Variants in CACNB2 observed in about 807,000 individuals in gnomAD.
The protein encoded by CACNB2 is voltage-dependent L-type calcium channel subunit beta-2.
In CACNB2, 42 loss-of-function variants were observed where a neutral mutation model predicts 73.3. That is an observed-to-expected ratio of 0.57 (90% CI 0.45 to 0.74). The LOEUF is 0.74. CACNB2 is among the 30% of genes least tolerant of loss of function. CACNB2 has a pLI of 0.00. For synonymous variants in CACNB2, 348 were observed against 310.3 expected, an observed-to-expected ratio of 1.12 and a Z score of -1.28; for missense variants, 940 against 853.0, an observed-to-expected ratio of 1.10 and a Z score of -1.27.
intron 2 of CACNB2, among the ~76,000 whole-genome samples, chr10:18,240,813 A>G (rs1189214562): frequency 6.6e-6 from 1 of 151,592 alleles, no homozygotes; most frequent in African/African-American, 2.4e-5. Flanking sequence ...CTGCCTGCCT[A>G]CTCAAAGCCA....
intron 3 of CACNB2, among the ~76,000 whole-genome samples, chr10:18,450,901 T>A (rs909596702): frequency 6.6e-6 from 1 of 152,174 alleles, no homozygotes; most frequent in Non-Finnish European, 1.5e-5. Context: ...CCTCCCAAAG[T>A]GTTGGGATTA....
At chr10:18,194,665 G>A (rs941364033) in intron 2 of CACNB2, among the ~76,000 whole-genome samples, 2 of 152,202 alleles carry the variant, frequency 1.3e-5, no homozygotes, top group African/African-American at 2.4e-5. Flanking sequence ...ATTTTGTTTA[G>A]TGTCTCCTAT....
intron 2 of CACNB2, among the ~76,000 whole-genome samples, chr10:18,331,480 G>GT (rs1221813019): frequency 1.3e-5 from 2 of 151,534 alleles, no homozygotes; most frequent in Admixed American, 1.3e-4. Flanking sequence ...AAAGGATGGG[G>GT]GGGTGAAAAT....
intron 2 of CACNB2, among the ~76,000 whole-genome samples, chr10:18,199,941 C>CTGTGTG (rs141377460): frequency 0.2 from 26,637 of 136,246 alleles, 2,860 homozygotes; most frequent in South Asian, 0.24. Flanking sequence ...GTATATGAAA[C>CTGTGTG]TGTGTGTGTG....
rs2133332929 is a variant in CACNB2 at position 18,539,225 on chromosome 10, G to T, written c.1489-5G>T. 1 of 1,613,996 alleles carries T rather than the reference G, an allele frequency of 6.2e-7. No individual in the cohort carries two copies. The highest frequency in any genetic ancestry group is 2.2e-5 in the East Asian group (1 of 44,844). Reference sequence around the variant, plus strand: ...TAACGCCTGGTGTGCTCCTTTCGCTGCCAGGGTTCTCAAGGTGATCAGAGG... The same window carrying T: ...TAACGCCTGGTGTGCTCCTTTCGCTTCCAGGGTTCTCAAGGTGATCAGAGG... On this transcript the variant is annotated splice_polypyrimidine_tract_variant and splice_region_variant and intron_variant, in intron 13 of 13. Transcript: ENST00000324631.
chr10:18,454,543 T>G (rs1056628870), intron 3 of CACNB2, among the ~76,000 whole-genome samples: 4 of 152,336 alleles, frequency 2.6e-5, no homozygotes, highest in African/African-American at 9.6e-5. Flanking sequence ...TTTGCCCCCT[T>G]GGGGATGAGA....
At chr10:18,359,742 G>A (rs962432201) in intron 2 of CACNB2, among the ~76,000 whole-genome samples, 11 of 151,972 alleles carry the variant, frequency 7.2e-5, no homozygotes, top group Admixed American at 7.2e-4. Flanking sequence ...TCCTAATGCT[G>A]TCCCTCCTCT....
chr10:18,160,801 C>T (rs190608199), intron 2 of CACNB2, among the ~76,000 whole-genome samples: 1 of 152,246 alleles, frequency 6.6e-6, no homozygotes, highest in Admixed American at 6.5e-5. Context: ...GTTCCTTTCT[C>T]TCTTGTTTTG....
Position 18,214,541 on chromosome 10 carries a change from C to T in CACNB2, c.213+63566C>T, listed in dbSNP as rs576429687. ...ACTCAGGTGGCTGAGGCAGGAGAAT[C>T]GCTTGAACCCAGGAGGCAGAGCTTG... On this transcript the variant is annotated intron_variant, in intron 2 of 13. Transcript: ENST00000324631. 6.4e-5 allele frequency among the ~76,000 whole-genome samples: 4 copies of T among 62,056 alleles called. 1 individual carries two copies. The highest frequency in any genetic ancestry group is 1.4e-4 in the Non-Finnish European group (3 of 21,524). 40.7% of individuals were successfully genotyped at this position (62,056 alleles called of 152,430 possible).
At chr10:18,445,641 C>T (rs1173675169) in intron 3 of CACNB2, among the ~76,000 whole-genome samples, 2 of 152,166 alleles carry the variant, frequency 1.3e-5, no homozygotes, top group South Asian at 2.1e-4. Context: ...ATTCTGAAGA[C>T]GGAAGGCCAG....
chr10:18,174,394 T>C (rs12412529), intron 2 of CACNB2, among the ~76,000 whole-genome samples: 1 of 147,796 alleles, frequency 6.8e-6, no homozygotes, highest in Admixed American at 6.8e-5. Context: ...TTTTCTTTCT[T>C]TCTCTCTTTC....
At chr10:18,168,299 T>C (rs2033000495) in intron 2 of CACNB2, among the ~76,000 whole-genome samples, 1 of 151,966 alleles carries the variant, frequency 6.6e-6, no homozygotes, top group African/African-American at 2.4e-5. Context: ...GAAAGCAAGC[T>C]TGGGAGGCTG....
At chr10:18,347,003 A>T (rs1367720418) in intron 2 of CACNB2, among the ~76,000 whole-genome samples, 1 of 152,164 alleles carries the variant, frequency 6.6e-6, no homozygotes, top group Non-Finnish European at 1.5e-5. Flanking sequence ...TGCTGCTGTC[A>T]GTCAGAAGGG....
intron 2 of CACNB2, among the ~76,000 whole-genome samples, chr10:18,307,988 T>A (rs919634119): frequency 0.018 from 2,187 of 120,718 alleles, 83 homozygotes; most frequent in Non-Finnish European, 0.023. Flanking sequence ...GCCAACTTTT[T>A]TTTTTTTTTT....
chr10:18,485,067 G>A (rs2048988256), intron 3 of CACNB2, among the ~76,000 whole-genome samples: 1 of 152,028 alleles, frequency 6.6e-6, no homozygotes, highest in African/African-American at 2.4e-5. Flanking sequence ...ATTTGAGCAT[G>A]GAATGCAGAG....
At chr10:18,151,273 GTT>G (rs111647206) in intron 2 of CACNB2, 398 of 197,538 alleles carry the variant, frequency 2.0e-3, no homozygotes, top group South Asian at 4.7e-3. Context: ...TGGGGGGATT[GTT>G]TTTTTTTTTT....
intron 2 of CACNB2, chr10:18,224,137 A>C (rs1588751354): frequency 6.6e-6 from 1 of 152,070 alleles, no homozygotes; most frequent in African/African-American, 2.4e-5. Context: ...CTCTTTTGCA[A>C]TGTTTGCTTT....
At chr10:18,450,887 T>C (rs1227240590) in intron 3 of CACNB2, among the ~76,000 whole-genome samples, 1 of 152,186 alleles carries the variant, frequency 6.6e-6, no homozygotes, top group Non-Finnish European at 1.5e-5. Context: ...TCCACCCGCC[T>C]TGGCCTCCCA....
chr10:18,426,955 A>ATTTTTTTTTTTTTTTT (rs551543429), intron 3 of CACNB2, among the ~76,000 whole-genome samples: 7 of 81,652 alleles, frequency 8.6e-5, no homozygotes, highest in Admixed American at 1.4e-4. Flanking sequence ...CCTTTTCTAC[A>ATTTTTTTTTTTTTTTT]TTTTTTTTTT....
Sources: gnomAD v4.1 joint callset for allele counts (sites outside exome capture counted in the v4.1 genomes callset) on GRCh38, gnomAD v4.1.1 for gene constraint, MANE v1.5 for transcripts, NCBI Gene and HGNC (gene_info 2026-07-23, HGNC 2026-07-21) for gene names.